Variants in AFF4 observed in about 807,000 individuals in gnomAD.
AFF4 encodes the protein AF4/FMR2 family member 4.
A neutral mutation model predicts 124.8 loss-of-function variants in AFF4; 13 were observed. The observed-to-expected ratio is 0.10, with a 90% confidence interval of 0.07 to 0.17. The LOEUF (loss-of-function observed/expected upper bound fraction) is 0.17, where lower values mean the gene tolerates loss of function less well. Among genes scored for constraint, AFF4 ranks in the 10% least tolerant of loss-of-function variants. The pLI is 1.00. For synonymous variants in AFF4, 477 were observed against 496.1 expected, an observed-to-expected ratio of 0.96 and a Z score of 0.51; for missense variants, 1,092 against 1,403.8, an observed-to-expected ratio of 0.78 and a Z score of 3.55.
intron 1 of AFF4, among the ~76,000 whole-genome samples, chr5:132,949,700 A>ACACGCGCG (rs775970739): frequency 3.1e-4 from 46 of 146,696 alleles, no homozygotes; most frequent in African/African-American, 1.1e-3. Flanking sequence ...ACACACACAC[A>ACACGCGCG]CGCGCGCGCG....
At chr5:132,913,924 T>C (rs1445764714) in intron 5 of AFF4, among the ~76,000 whole-genome samples, 1 of 152,020 alleles carries the variant, frequency 6.6e-6, no homozygotes, top group African/African-American at 2.4e-5. Flanking sequence ...CAGTTAGATA[T>C]AATCCAAAAA....
At chr5:132,889,836 T>A (rs193066895) in intron 13 of AFF4, among the ~76,000 whole-genome samples, 2 of 152,264 alleles carry the variant, frequency 1.3e-5, no homozygotes, top group East Asian at 3.9e-4. Context: ...AGTCTTGCTA[T>A]GTTGCCCAGG....
intron 2 of AFF4, among the ~76,000 whole-genome samples, chr5:132,936,758 G>A (rs1045288474): frequency 2.6e-5 from 4 of 152,166 alleles, no homozygotes; most frequent in Non-Finnish European, 4.4e-5. Flanking sequence ...ACAGCAATAG[G>A]AGGTGGGTTG....
intron 5 of AFF4, among the ~76,000 whole-genome samples, chr5:132,918,298 C>T (rs949127796): frequency 1.3e-5 from 2 of 151,894 alleles, no homozygotes; most frequent in African/African-American, 4.8e-5. Context: ...AAGGCTGAGG[C>T]TACAGTGAGC....
In AFF4 at chr5:132,934,869, T is replaced by C. The variant is rs763460536; in HGVS notation, c.196A>G (p.Ile66Val). The change falls in exon 3 of 21, where the codon ATA becomes GTA. Residue 66 changes from isoleucine (I) to valine (V), a missense_variant. Ile to Val is a conservative substitution (Grantham distance 29, BLOSUM62 3). Around this residue, in one of 11 missense-constraint regions of AFF4, gnomAD observed 35 missense variants for 70.9 expected, o/e 0.49. Transcript: ENST00000265343. ...LGNYDEMKDF[I>V]GDRSIPKLVA... ...AGCTTTGGTATAGATCTGTCTCCTA[T>C]GAAATCCTTCATTTCATCGTAGTTT... is the stretch of plus-strand genomic sequence containing the variant. The C allele has an allele frequency of 6.2e-7, 1 of 1,614,120 alleles. No homozygotes were observed. The highest frequency in any genetic ancestry group is 8.5e-7 in the Non-Finnish European group (1 of 1,180,012).
Position 132,899,656 on chromosome 5 carries a change from C to G in AFF4, c.1134-15G>C, listed in dbSNP as rs181560044. 23 of 1,600,356 alleles carry G rather than the reference C, an allele frequency of 1.4e-5. No homozygotes were observed. The African/African-American group carries it at 2.3e-4, about 16-fold the overall frequency. ...CTTTTAACATACTAGAGGGAAAAGA[C>G]AAAGAATTATTATTTTTGGAACAGT... On this transcript the variant is annotated splice_polypyrimidine_tract_variant and intron_variant, in intron 7 of 20. Coordinates refer to ENST00000265343, the MANE Select transcript of AFF4 (RefSeq NM_014423.4).
chr5:132,897,682 C>T (rs1760443867), intron 10 of AFF4, among the ~76,000 whole-genome samples: 1 of 150,088 alleles, frequency 6.7e-6, no homozygotes, highest in Non-Finnish European at 1.5e-5. Flanking sequence ...TGCACTCCAG[C>T]CTGGGTGACA....
chr5:132,893,638 C>T (rs757513463), intron 11 of AFF4, among the ~76,000 whole-genome samples: 6 of 152,160 alleles, frequency 3.9e-5, no homozygotes, highest in African/African-American at 7.2e-5. Context: ...CTGCCTCAGC[C>T]TCCCAGCTAA....
chr5:132,926,084 C>G (rs1014620813), intron 5 of AFF4: 2 of 190,648 alleles, frequency 1.0e-5, no homozygotes, highest in African/African-American at 4.7e-5. Context: ...GTAACATGGA[C>G]AGGTCCCCAA....
Position 132,944,689 on chromosome 5 carries a change from G to C in AFF4, c.-4-7496C>G, listed in dbSNP as rs1478014359. Among the ~76,000 whole-genome samples, 6 of 152,070 alleles carry C rather than the reference G, an allele frequency of 3.9e-5. No individual in the cohort carries two copies. The East Asian group carries it at 1.2e-3, about 29-fold the overall frequency. On this transcript the variant is annotated intron_variant, in intron 1 of 20. Coordinates refer to ENST00000265343, the MANE Select transcript of AFF4 (RefSeq NM_014423.4). ...CTCACGCCCGTAATCCCAGCACTTT[G>C]GAGGCTGAGGCAGGCGGACAACCTG... is the stretch of plus-strand genomic sequence containing the variant.
chr5:132,939,619 C>CT (rs928868775), intron 1 of AFF4, among the ~76,000 whole-genome samples: 137 of 151,992 alleles, frequency 9.0e-4, no homozygotes, highest in African/African-American at 3.1e-3. Context: ...CTTCTTTTTT[C>CT]TTTTTTTTGA....
At chr5:132,902,255 C>T (rs1047110760) in intron 7 of AFF4, among the ~76,000 whole-genome samples, 187 bp downstream of exon 7, 3 of 152,074 alleles carry the variant, frequency 2.0e-5, no homozygotes, top group Non-Finnish European at 4.4e-5. Flanking sequence ...ACCACGTTGG[C>T]CAGGCTGGTC....
chr5:132,953,198 T>C (rs181564741), intron 1 of AFF4, among the ~76,000 whole-genome samples: 1 of 152,122 alleles, frequency 6.6e-6, no homozygotes, highest in East Asian at 1.9e-4. Flanking sequence ...CTTTTTTTAA[T>C]CCCAAAGGCT....
intron 19 of AFF4, 28 bp from the exon 20 acceptor site, chr5:132,883,588 C>A: frequency 6.3e-7 from 1 of 1,596,480 alleles, no homozygotes; most frequent in South Asian, 1.1e-5. Flanking sequence ...GAAGCTTGTT[C>A]ATATGGACAT....
intron 1 of AFF4, among the ~76,000 whole-genome samples, chr5:132,938,739 C>G (rs556197140): frequency 1.3e-5 from 2 of 151,566 alleles, no homozygotes; most frequent in Admixed American, 6.6e-5. Flanking sequence ...GTCAGGAGAT[C>G]GAGACCATCC....
chr5:132,916,834 C>T (rs112301026), intron 5 of AFF4, among the ~76,000 whole-genome samples: 57 of 152,134 alleles, frequency 3.7e-4, no homozygotes, highest in African/African-American at 1.3e-3. Flanking sequence ...AAATTCAGCA[C>T]TATAAAAAAA....
chr5:132,902,373 A>G, intron 7 of AFF4, 69 bp downstream of exon 7: 2 of 1,279,360 alleles, frequency 1.6e-6, no homozygotes, highest in East Asian at 2.3e-5. Flanking sequence ...ACTGTTCAAA[A>G]TACCTAGATA....
At chr5:132,885,845 C>T (rs1472414504) in intron 18 of AFF4, among the ~76,000 whole-genome samples, 1 of 152,182 alleles carries the variant, frequency 6.6e-6, no homozygotes, top group Non-Finnish European at 1.5e-5. Context: ...ATGACCTCGG[C>T]TCACTGCAGC....
chr5:132,907,408 G>A (rs969400309), intron 5 of AFF4, among the ~76,000 whole-genome samples: 1 of 152,146 alleles, frequency 6.6e-6, no homozygotes, highest in African/African-American at 2.4e-5. Flanking sequence ...TCAAAGTACT[G>A]AGAAAACAAT....
Sources: gnomAD v4.1 joint callset for allele counts (sites outside exome capture counted in the v4.1 genomes callset) on GRCh38, gnomAD v4.1.1 for gene constraint, gnomAD v4.1.1 regional missense constraint, MANE v1.5 for transcripts, NCBI Gene and HGNC (gene_info 2026-07-23, HGNC 2026-07-21) for gene names.